Variants in FAXC observed in about 807,000 individuals in gnomAD.
FAXC encodes the protein failed axon connections homolog.
Under a neutral mutation model 41.9 loss-of-function variants are expected in FAXC, and 10 were observed. The ratio of observed to expected loss-of-function variants is 0.24; its 90% confidence interval spans 0.15 to 0.41. The LOEUF is 0.41. Among genes scored for constraint, FAXC ranks in the 10% least tolerant of loss-of-function variants. The pLI is 1.00. For missense variants in FAXC, 399 were observed against 510.9 expected, an observed-to-expected ratio of 0.78 and a Z score of 2.11; for synonymous variants, 183 against 183.8, an observed-to-expected ratio of 1.00 and a Z score of 0.03.
rs762000042 is a variant in FAXC at position 99,291,793 on chromosome 6, T to C, written c.851A>G (p.Lys284Arg). ...LGDKKYIMGP[K>R]LSTLDATVFG... is the part of the protein sequence containing the mutation. ...GACAGTGGCGTCAAGAGTGGAAAGCTTGGGCCCCATGATGTACTTCTTATC... is the reference window on the plus strand; with the variant it reads ...GACAGTGGCGTCAAGAGTGGAAAGCCTGGGCCCCATGATGTACTTCTTATC... Residue 284 changes from lysine (K) to arginine (R), a missense_variant, in exon 5 of 6, where the codon AAG becomes AGG. Physicochemically the swap from Lys to Arg is conservative, Grantham distance 26. Transcript: ENST00000389677. 6.8e-6 allele frequency: 11 copies of C among 1,614,154 alleles called. No homozygotes were observed. The Middle Eastern group carries it at 4.9e-4, about 73-fold the overall frequency.
At chr6:99,326,224 G>A (rs1772797956) in intron 3 of FAXC, among the ~76,000 whole-genome samples, 1 of 152,210 alleles carries the variant, frequency 6.6e-6, no homozygotes, top group South Asian at 2.1e-4. Context: ...ACTGGAAGGT[G>A]GAGAAAATGC....
rs560164016 is a variant in FAXC, at chr6:99,347,523, G to C, written c.266+1584C>G. ...CCTAAATGAGTTAGTAGCTATCTGTGGGCAGAGAGCTCTCCAGTCTCCAGT... is the reference window on the plus strand; with the variant it reads ...CCTAAATGAGTTAGTAGCTATCTGTCGGCAGAGAGCTCTCCAGTCTCCAGT... On this transcript the variant is annotated intron_variant, in intron 1 of 5. Transcript: ENST00000389677. Among the ~76,000 whole-genome samples the C allele has an allele frequency of 3.3e-5, 5 of 152,296 alleles. No individual in the cohort carries two copies. In the South Asian group the frequency reaches 1.0e-3, roughly 32 times the overall value.
chr6:99,341,241 A>T (rs1773417496), intron 2 of FAXC, among the ~76,000 whole-genome samples: 1 of 152,210 alleles, frequency 6.6e-6, no homozygotes, highest in Admixed American at 6.5e-5. Flanking sequence ...AAAATGAAGT[A>T]TAGTAAGGAG....
At chr6:99,294,697 T>A (rs965698674) in intron 4 of FAXC, among the ~76,000 whole-genome samples, 1 of 151,598 alleles carries the variant, frequency 6.6e-6, no homozygotes, top group African/African-American at 2.4e-5. Flanking sequence ...AATGCCAGAG[T>A]CAAGTCCATA....
At chr6:99,293,388 G>A (rs186052530) in intron 4 of FAXC, among the ~76,000 whole-genome samples, 189 of 152,166 alleles carry the variant, frequency 1.2e-3, no homozygotes, top group African/African-American at 4.3e-3. Context: ...CACTTCTCTC[G>A]AATCAATTCT....
rs1260423829 is a variant in FAXC, at chr6:99,274,746, C to T, written c.*6418G>A. On this transcript the variant is annotated 3_prime_UTR_variant, in exon 6 of 6. Transcript: ENST00000389677. ...CCTTTAGCCTTATTTCTGTAAAAAA[C>T]AAATCCCAGGCATAATTTGTTAAAG... 6.6e-6 allele frequency: 1 copy of T among 152,142 alleles called. No homozygotes were observed. The highest frequency in any genetic ancestry group is 1.9e-4 in the East Asian group (1 of 5,202). The allele number at this position is 152,142 out of a possible 1,614,324, so 9.4% of individuals were successfully genotyped here. A position where few individuals can be genotyped will look rare whatever the true frequency, so the allele number is the denominator to read the frequency against.
At chr6:99,319,250 T>C (rs984519315) in intron 4 of FAXC, among the ~76,000 whole-genome samples, 1 of 152,026 alleles carries the variant, frequency 6.6e-6, no homozygotes, top group Non-Finnish European at 1.5e-5. Flanking sequence ...ACAAAAAAAA[T>C]TAGCCAGACA....
intron 1 of FAXC, among the ~76,000 whole-genome samples, chr6:99,346,649 G>A (rs1054033056): frequency 1.9e-4 from 29 of 151,920 alleles, no homozygotes; most frequent in African/African-American, 6.3e-4. Context: ...ATCCGCCCGC[G>A]TCAGCCTCCC....
intron 3 of FAXC, among the ~76,000 whole-genome samples, chr6:99,330,075 G>A (rs1213498502): frequency 6.6e-6 from 1 of 151,684 alleles, no homozygotes; most frequent in Non-Finnish European, 1.5e-5. Context: ...GCCCAGGGTG[G>A]TCTCGAACTC....
chr6:99,296,226 G>A (rs1242264819), intron 4 of FAXC, among the ~76,000 whole-genome samples: 1 of 152,092 alleles, frequency 6.6e-6, no homozygotes, highest in Non-Finnish European at 1.5e-5. Context: ...CAAGTTAAAG[G>A]CTTCGGACTG....
intron 2 of FAXC, among the ~76,000 whole-genome samples, chr6:99,342,180 A>G (rs1043013692): frequency 6.6e-6 from 1 of 152,160 alleles, no homozygotes; most frequent in Non-Finnish European, 1.5e-5. Flanking sequence ...ACATACACAA[A>G]TATCTACCTC....
chr6:99,289,933 C>G (rs1771169288), intron 5 of FAXC, among the ~76,000 whole-genome samples: 3 of 151,582 alleles, frequency 2.0e-5, no homozygotes, highest in African/African-American at 7.3e-5. Context: ...CCACTCGGCA[C>G]CAGAAGAGAG....
At chr6:99,332,306 G>A (rs969388836) in intron 3 of FAXC, among the ~76,000 whole-genome samples, 9 of 152,154 alleles carry the variant, frequency 5.9e-5, no homozygotes, top group African/African-American at 2.2e-4. Flanking sequence ...ATCACTCAGC[G>A]GGAGAGGTTT....
intron 2 of FAXC, among the ~76,000 whole-genome samples, chr6:99,339,646 C>T (rs1244460785): frequency 2.0e-5 from 3 of 151,914 alleles, no homozygotes; most frequent in African/African-American, 7.3e-5. Context: ...AAGAAAAATA[C>T]AAAAGTTGGA....
rs540207103 is a variant in FAXC, at chr6:99,336,687, A to T, written c.403-3140T>A. Among the ~76,000 whole-genome samples the T allele has an allele frequency of 3.9e-5, 6 of 152,216 alleles. No individual in the cohort carries two copies. The East Asian group carries it at 1.2e-3, about 29-fold the overall frequency. On this transcript the variant is annotated intron_variant, in intron 2 of 5. Transcript: ENST00000389677. ...CATTCCATCATTTATTCACGGAGTG[A>T]CCCTGGACCTCCCTGGGTCTCCCTT...
chr6:99,323,660 C>T lies in FAXC; in HGVS notation c.607G>A (p.Ala203Thr), dbSNP rs749993705. 1.2e-6 allele frequency: 2 copies of T among 1,613,722 alleles called. No individual in the cohort carries two copies. The highest frequency in any genetic ancestry group is 2.2e-5 in the East Asian group (1 of 44,898). The change falls in exon 4 of 6, where the codon GCT becomes ACT. Residue 203 changes from alanine to threonine, a missense_variant. By Grantham distance (58) the Ala-to-Thr change is moderately conservative. Coordinates refer to ENST00000389677, the MANE Select transcript of FAXC (RefSeq NM_032511.4). ...AGATTGTCCACCCACTGGCAATAAG[C>T]TAATGTCCTGGAATTGTGTGGAAAC... ...MVEEHFYWTL[A>T]YCQWVDNLNE...
intron 4 of FAXC, among the ~76,000 whole-genome samples, chr6:99,299,945 T>C (rs575366543): frequency 6.6e-6 from 1 of 152,200 alleles, no homozygotes; most frequent in East Asian, 1.9e-4. Flanking sequence ...GTGGAGAAAA[T>C]ACCAGAAGAA....
At chr6:99,323,134 A>T (rs191898281) in intron 4 of FAXC, among the ~76,000 whole-genome samples, 1 of 152,274 alleles carries the variant, frequency 6.6e-6, no homozygotes, top group East Asian at 1.9e-4. Context: ...CTTGCTCAAA[A>T]TCCCTGTTTT....
At chr6:99,288,453 G>A (rs79411388) in intron 5 of FAXC, among the ~76,000 whole-genome samples, 7,032 of 152,210 alleles carry the variant, frequency 0.046, 197 homozygotes, top group Non-Finnish European at 0.06. Flanking sequence ...GAAATAATAG[G>A]AACAGAGAAT....
Sources: allele counts gnomAD v4.1 joint callset (sites outside exome capture counted in the v4.1 genomes callset), GRCh38; gene constraint gnomAD v4.1.1; transcripts MANE v1.5; gene names NCBI Gene and HGNC (gene_info 2026-07-23, HGNC 2026-07-21).